Variants in NDRG1 observed in about 807,000 individuals in gnomAD.
The protein encoded by NDRG1 is N-myc downstream regulated 1, also known as protein NDRG1.
In NDRG1, 32 loss-of-function variants were observed where a neutral mutation model predicts 56.9. The ratio of observed to expected loss-of-function variants is 0.56; its 90% CI spans 0.42 to 0.76. The LOEUF (loss-of-function observed/expected upper bound fraction) is 0.76. Among genes scored for constraint, NDRG1 ranks in the 30% least tolerant of loss-of-function variants. The pLI is 0.00. For missense variants in NDRG1, 507 were observed against 545.7 expected (o/e 0.93, Z 0.71); for synonymous variants, 211 against 204.1 (o/e 1.03, Z -0.29).
chr8:133,258,035 A>C (rs1432035972), intron 7 of NDRG1, among the ~76,000 whole-genome samples: 1 of 152,206 alleles, frequency 6.6e-6, no homozygotes, highest in Non-Finnish European at 1.5e-5. Context: ...ATGACCCAGG[A>C]GTGCCCTGAC....
rs149804385 is a variant in NDRG1 at position 133,238,853 on chromosome 8, C to T, written c.*25G>A. ...GGGGGCCACTACAGAGATCAGAGTC[C>T]GGGGGCGGCAGCTGGGCAGGCCGCC... On this transcript the variant is annotated 3_prime_UTR_variant, in exon 16 of 16. Transcript: ENST00000323851. 1,310 of 1,544,750 alleles carry T rather than the reference C, an allele frequency of 8.5e-4. 7 individuals carry two copies. In the African/African-American group the frequency reaches 0.014, roughly 17 times the overall value.
At chr8:133,261,865 A>G (rs191914998) in intron 5 of NDRG1, among the ~76,000 whole-genome samples, 182 bp downstream of exon 5, 132 of 152,376 alleles carry the variant, frequency 8.7e-4, no homozygotes, top group Admixed American at 2.7e-3. Flanking sequence ...CTATATACTT[A>G]AAAATAGTGA....
chr8:133,250,637 G>A, intron 9 of NDRG1, 94 bp from the exon 10 acceptor site: 1 of 1,084,514 alleles, frequency 9.2e-7, no homozygotes. Flanking sequence ...TGGAGACAAA[G>A]TAAAGATAAT....
chr8:133,294,783 T>TA (rs1422258001), intron 1 of NDRG1, among the ~76,000 whole-genome samples: 6 of 152,018 alleles, frequency 3.9e-5, no homozygotes, highest in Admixed American at 2.0e-4. Context: ...GATTTACACT[T>TA]AAAAAAAATC....
At chr8:133,271,778 TAAAAAAAAA>T (rs66733314) in intron 3 of NDRG1, among the ~76,000 whole-genome samples, 2 of 30,468 alleles carry the variant, frequency 6.6e-5, no homozygotes, top group African/African-American at 1.3e-4. Flanking sequence ...AGACCCTGTC[TAAAAAAAAA>T]AAAAAAAAAA....
Position 133,262,157 on chromosome 8 carries a change from G to A in NDRG1, c.216C>T (p.Cys72=). 1 of 1,614,052 alleles carries A rather than the reference G, an allele frequency of 6.2e-7. No individual in the cohort carries two copies. Among genetic ancestry groups the A allele is most frequent in the Non-Finnish European group, 8.5e-7 (1 of 1,180,010 alleles). The part of the protein sequence containing the change: ...YHDIGMNHKT[C]YNPLFNYEDM... ...CCTCGTAGTTGAAGAGGGGGTTGTA[G>A]CAGGTTTTGTCTGAAGAACAGCAGT... The change falls in exon 5 of 16, where the codon TGC becomes TGT. Residue 72 remains cysteine, a synonymous_variant. Transcript: ENST00000323851.
At chr8:133,254,000 C>T (rs1004649525) in intron 9 of NDRG1, among the ~76,000 whole-genome samples, 6 of 151,066 alleles carry the variant, frequency 4.0e-5, no homozygotes, top group African/African-American at 1.5e-4. Context: ...TGCACCCCGA[C>T]TAGGAATAAA....
intron 13 of NDRG1, among the ~76,000 whole-genome samples, chr8:133,246,262 G>A (rs536058619): frequency 5.3e-5 from 8 of 152,298 alleles, no homozygotes; most frequent in South Asian, 2.1e-4. Flanking sequence ...GACCTTCCCC[G>A]GCTGTGGGAC....
rs768918074 is a variant in NDRG1 at position 133,238,907 on chromosome 8, C to G, written c.1156G>C (p.Gly386Arg). The G allele has an allele frequency of 6.4e-7, 1 of 1,558,072 alleles. No individual in the cohort carries two copies. Among genetic ancestry groups the G allele is most frequent in the Non-Finnish European group, 8.7e-7 (1 of 1,151,704 alleles). ...PNSGAAGNSA[G>R]PKSMEVSC Reference sequence around the variant, plus strand: ...CAGGAGACCTCCATGGACTTGGGCCCGGCGCTGTTCCCAGCAGCACCCGAG... The same window carrying G: ...CAGGAGACCTCCATGGACTTGGGCCGGGCGCTGTTCCCAGCAGCACCCGAG... Residue 386 changes from glycine (G) to arginine (R), a missense_variant, in exon 16 of 16, where the codon GGG becomes CGG. By Grantham distance (125) the Gly-to-Arg change is moderately radical (BLOSUM62 -2). Transcript: ENST00000323851.
chr8:133,241,879 T>G (rs1855402023), intron 15 of NDRG1, 144 bp downstream of exon 15: 2 of 908,020 alleles, frequency 2.2e-6, no homozygotes. Context: ...CCACATGCCC[T>G]CCACACACCT....
chr8:133,268,826 T>C (rs1226646852), intron 3 of NDRG1, among the ~76,000 whole-genome samples: 1 of 151,656 alleles, frequency 6.6e-6, no homozygotes, highest in Non-Finnish European at 1.5e-5. Context: ...AAAGCAAGTG[T>C]TGTCATCTTC....
intron 5 of NDRG1, among the ~76,000 whole-genome samples, chr8:133,260,315 C>T (rs1220983648): frequency 6.6e-6 from 1 of 152,152 alleles, no homozygotes; most frequent in African/African-American, 2.4e-5. Flanking sequence ...ACAGGGGGCT[C>T]ACCCTTAAAG....
chr8:133,270,717 G>A lies in NDRG1; in HGVS notation c.100-6065C>T, dbSNP rs992599570. Among the ~76,000 whole-genome samples the A allele has an allele frequency of 3.3e-5, 5 of 152,150 alleles. No homozygotes were observed. In the East Asian group the frequency reaches 9.6e-4, roughly 29 times the overall value. ...GTAAGGACTAACTCCAGCTGGGCTG[G>A]GTGACATTCATAGCTGGGGTGTTAG... is the stretch of plus-strand genomic sequence containing the variant. On this transcript the variant is annotated intron_variant, in intron 3 of 15. Transcript: ENST00000323851.
rs779257447 is a variant in NDRG1 at position 133,250,434 on chromosome 8, C to A, written c.698+6G>T. 5.6e-6 allele frequency: 9 copies of A among 1,611,856 alleles called. No homozygotes were observed. The highest frequency in any genetic ancestry group is 7.6e-6 in the Non-Finnish European group (9 of 1,178,048). Reference sequence around the variant, plus strand: ...GCAATGATGTGGCTGAACTACATCCCAATACCTGTTGTAGGCATTGATGAA... The same window carrying A: ...GCAATGATGTGGCTGAACTACATCCAAATACCTGTTGTAGGCATTGATGAA... On this transcript the variant is annotated splice_donor_region_variant and intron_variant, in intron 10 of 15. Coordinates refer to ENST00000323851, the MANE Select transcript of NDRG1 (RefSeq NM_006096.4).
chr8:133,286,961 G>A (rs1172814049), intron 1 of NDRG1, among the ~76,000 whole-genome samples: 2 of 152,124 alleles, frequency 1.3e-5, no homozygotes, highest in African/African-American at 4.8e-5. Context: ...GCTCTCTGCA[G>A]GTTGACCCAG....
intron 1 of NDRG1, among the ~76,000 whole-genome samples, chr8:133,294,821 A>C (rs1258816152): frequency 6.6e-6 from 1 of 152,192 alleles, no homozygotes; most frequent in African/African-American, 2.4e-5. Flanking sequence ...TGGCCTCAAA[A>C]GTTTCCTCAC....
intron 8 of NDRG1, chr8:133,255,485 T>C: frequency 2.4e-6 from 1 of 422,378 alleles, no homozygotes; most frequent in Non-Finnish European, 4.9e-6. Flanking sequence ...ATCCTCAGGC[T>C]TCACATTAGC....
Position 133,248,748 on chromosome 8 carries a change from C to A in NDRG1, c.722G>T (p.Arg241Leu). 6.2e-7 allele frequency: 1 copy of A among 1,614,192 alleles called. No individual in the cohort carries two copies. Among genetic ancestry groups the A allele is most frequent in the Admixed American group, 1.7e-5 (1 of 60,030 alleles). ...GACTGTGTGGGTTCCCGGCATTGGT[C>A]GCTCAATCTCCAGGTCGCGCCGGCT... ...YNSRRDLEIERPMPGTHTVTL... is the reference protein window; with the variant it reads ...YNSRRDLEIELPMPGTHTVTL... The change falls in exon 11 of 16, where the codon CGA (arginine) becomes CTA (leucine). Residue 241 changes from arginine (R) to leucine (L), a missense_variant. By Grantham distance (102) the Arg-to-Leu change is moderately radical (BLOSUM62 -2). Transcript: ENST00000323851.
At chr8:133,260,010 C>T (rs1426682036) in intron 5 of NDRG1, among the ~76,000 whole-genome samples, 1 of 152,186 alleles carries the variant, frequency 6.6e-6, no homozygotes, top group Non-Finnish European at 1.5e-5. Context: ...TGTGGCTCCA[C>T]ATCAACAGAG....
Sources: allele counts gnomAD v4.1 joint callset (sites outside exome capture counted in the v4.1 genomes callset), GRCh38; gene constraint gnomAD v4.1.1; transcripts MANE v1.5; gene names NCBI Gene and HGNC (gene_info 2026-07-23, HGNC 2026-07-21).